ALKBH1: variants seen among roughly 807,000 people sequenced by gnomAD.
ALKBH1 encodes alkB homolog 1, histone H2A dioxygenase, also known as nucleic acid dioxygenase ALKBH1.
A neutral mutation model predicts 36.6 loss-of-function variants in ALKBH1; 31 were observed. That is an observed-to-expected ratio of 0.85 (90% CI 0.64 to 1.14). The LOEUF (loss-of-function observed/expected upper bound fraction) is 1.14, where lower values mean the gene tolerates loss of function less well. Among genes scored for constraint, ALKBH1 ranks in the 50% most tolerant of loss-of-function variants. ALKBH1 has a pLI of 0.00. For synonymous variants in ALKBH1, 183 were observed against 186.6 expected (o/e 0.98, Z 0.16); for missense variants, 490 against 497.3 (o/e 0.99, Z 0.14).
chr14:77,705,033 G>C (rs2080380581), intron 1 of ALKBH1, among the ~76,000 whole-genome samples: 1 of 152,188 alleles, frequency 6.6e-6, no homozygotes. Flanking sequence ...ACTTCAGTTA[G>C]GGCTAACAGT....
chr14:77,677,025 A>G (rs1446347747), intron 4 of ALKBH1, among the ~76,000 whole-genome samples: 1 of 151,916 alleles, frequency 6.6e-6, no homozygotes, highest in Non-Finnish European at 1.5e-5. Context: ...AAAAAAAAAT[A>G]TATCAAAGGC....
intron 4 of ALKBH1, among the ~76,000 whole-genome samples, chr14:77,676,694 G>C (rs902602524): frequency 6.6e-6 from 1 of 152,166 alleles, no homozygotes. Context: ...GTTAATAATA[G>C]GGGGAGAGCA....
At chr14:77,695,633 A>G (rs1177263338) in intron 2 of ALKBH1, among the ~76,000 whole-genome samples, 1 of 152,184 alleles carries the variant, frequency 6.6e-6, no homozygotes, top group African/African-American at 2.4e-5. Flanking sequence ...TCTCAGCTGC[A>G]GGGGTGACAG....
At chr14:77,704,297 G>T in intron 2 of ALKBH1, 72 bp downstream of exon 2, 1 of 1,107,532 alleles carries the variant, frequency 9.0e-7, no homozygotes, top group Non-Finnish European at 1.4e-6. Context: ...CTCACACACA[G>T]TACCTTCTTT....
chr14:77,704,484 G>A lies in ALKBH1; in HGVS notation c.184-7C>T. On this transcript the variant is annotated splice_region_variant and splice_polypyrimidine_tract_variant and intron_variant, in intron 1 of 5. Transcript: ENST00000216489. Reference sequence around the variant, plus strand: ...TTAGCTGAGATTTGATCACCTGGCAGGAAGGAAACAGAAGTTAAAGGACTA... The same window carrying A: ...TTAGCTGAGATTTGATCACCTGGCAAGAAGGAAACAGAAGTTAAAGGACTA... The A allele has an allele frequency of 6.2e-7, 1 of 1,610,210 alleles. No individual in the cohort carries two copies. Among genetic ancestry groups the A allele is most frequent in the Middle Eastern group, 1.7e-4 (1 of 6,056 alleles).
intron 2 of ALKBH1, among the ~76,000 whole-genome samples, chr14:77,699,855 C>T (rs933309379): frequency 4.6e-5 from 7 of 152,158 alleles, no homozygotes; most frequent in Admixed American, 2.0e-4. Flanking sequence ...GAGATCAAGA[C>T]CATCCTGGCT....
At chr14:77,682,356 A>G (rs1396438661) in intron 3 of ALKBH1, among the ~76,000 whole-genome samples, 2 of 152,208 alleles carry the variant, frequency 1.3e-5, no homozygotes, top group Non-Finnish European at 2.9e-5. Context: ...ACAGAAAAAT[A>G]AGTATGACTC....
chr14:77,681,419 CA>C (rs2080237505), intron 3 of ALKBH1, among the ~76,000 whole-genome samples: 1 of 152,090 alleles, frequency 6.6e-6, no homozygotes, highest in African/African-American at 2.4e-5. Context: ...ACAGCACAAG[CA>C]AAAGCAAAGG....
intron 3 of ALKBH1, among the ~76,000 whole-genome samples, chr14:77,692,669 C>A (rs1349739418): frequency 6.6e-6 from 1 of 152,026 alleles, no homozygotes; most frequent in Non-Finnish European, 1.5e-5. Context: ...TCTCCTCCTT[C>A]ATGTTTTACC....
chr14:77,674,132 G>C lies in ALKBH1; in HGVS notation c.850C>G (p.Leu284Val). Reference sequence around the variant, plus strand: ...ACACGAGGGACTGCGTGGTTCAAGAGGCGGCTGAAACCCGACATTATCATG... The same window carrying C: ...ACACGAGGGACTGCGTGGTTCAAGACGCGGCTGAAACCCGACATTATCATG... ...DIMIMSGFSR[L>V]LNHAVPRVLP... Residue 284 changes from leucine (L) to valine (V), a missense_variant, in exon 6 of 6, where the codon CTC becomes GTC. Coordinates refer to ENST00000216489, the MANE Select transcript of ALKBH1 (RefSeq NM_006020.3). The C allele has an allele frequency of 6.2e-7, 1 of 1,614,202 alleles. No homozygotes were observed. Among genetic ancestry groups the C allele is most frequent in the Non-Finnish European group, 8.5e-7 (1 of 1,180,048 alleles).
intron 4 of ALKBH1, among the ~76,000 whole-genome samples, chr14:77,678,585 G>A (rs371749184): frequency 2.0e-5 from 3 of 150,932 alleles, no homozygotes; most frequent in African/African-American, 7.3e-5. Context: ...TGGTTAGTAG[G>A]CAAAGAAAAT....
rs1327237646 is a variant in ALKBH1, at chr14:77,675,884, C to T, written c.547-35G>A. ...ATGTAGAGAGAATAAGAAAAATAAA[C>T]AATGATCTCAGGAATACAGGAAACT... On this transcript the variant is annotated intron_variant, in intron 4 of 5. Coordinates refer to ENST00000216489, the MANE Select transcript of ALKBH1 (RefSeq NM_006020.3). 2.0e-6 allele frequency: 3 copies of T among 1,534,048 alleles called. No homozygotes were observed. The Admixed American group carries it at 5.1e-5, about 26-fold the overall frequency.
At chr14:77,691,156 G>GA (rs1271964548) in intron 3 of ALKBH1, among the ~76,000 whole-genome samples, 1 of 151,284 alleles carries the variant, frequency 6.6e-6, no homozygotes, top group Admixed American at 6.6e-5. Flanking sequence ...ATTCACTTTG[G>GA]AAAAAAAAGA....
At chr14:77,695,280 T>C (rs1449114480) in intron 2 of ALKBH1, among the ~76,000 whole-genome samples, 1 of 152,238 alleles carries the variant, frequency 6.6e-6, no homozygotes, top group Non-Finnish European at 1.5e-5. Context: ...ATAATGAATT[T>C]TAGCTAAAAC....
intron 2 of ALKBH1, among the ~76,000 whole-genome samples, chr14:77,703,351 T>TG (rs1228904239): frequency 6.6e-6 from 1 of 150,750 alleles, no homozygotes; most frequent in Non-Finnish European, 1.5e-5. Context: ...TGGAGTGCAG[T>TG]GGCACAATCT....
rs2080181391 is a variant in ALKBH1 at position 77,672,531 on chromosome 14, T to C, written c.*1281A>G. ...GAGGAGACATGTAAACTTAATAACATGCATTGCAAACAGTAGGTACCAAAT... is the reference window on the plus strand; with the variant it reads ...GAGGAGACATGTAAACTTAATAACACGCATTGCAAACAGTAGGTACCAAAT... On this transcript the variant is annotated 3_prime_UTR_variant, in exon 6 of 6. Transcript: ENST00000216489. The C allele has an allele frequency of 6.6e-6, 1 of 152,184 alleles. No individual in the cohort carries two copies. Among genetic ancestry groups the C allele is most frequent in the African/African-American group, 2.4e-5 (1 of 41,436 alleles). The allele number at this position is 152,184 out of a possible 1,614,324, so 9.4% of individuals were successfully genotyped here. A position where few individuals can be genotyped will look rare whatever the true frequency, so the allele number is the denominator to read the frequency against.
rs1196227176 is a variant in ALKBH1, at chr14:77,674,048, C to T, written c.934G>A (p.Val312Ile). ...TCTACCATTGAATCTCTCGGGAGGA[C>T]AGCAGGGAGAGGTGCCTCTAGGCAG... ...PHCLEAPLPA[V>I]LPRDSMVEPC... Residue 312 changes from valine to isoleucine, a missense_variant, in exon 6 of 6, where the codon GTC becomes ATC. By Grantham distance (29) the Val-to-Ile change is conservative. Transcript: ENST00000216489. The T allele has an allele frequency of 6.2e-7, 1 of 1,614,074 alleles. No homozygotes were observed. Among genetic ancestry groups the T allele is most frequent in the Non-Finnish European group, 8.5e-7 (1 of 1,180,056 alleles).
chr14:77,705,905 A>T (rs1452896925), intron 1 of ALKBH1, among the ~76,000 whole-genome samples: 22 of 151,898 alleles, frequency 1.4e-4, no homozygotes. Context: ...AAATACAAAA[A>T]TTAGCCAGGC....
chr14:77,675,925 A>G, intron 4 of ALKBH1, 76 bp from the exon 5 acceptor site: 2 of 1,174,308 alleles, frequency 1.7e-6, no homozygotes, highest in Non-Finnish European at 2.5e-6. Flanking sequence ...ATTAATTACC[A>G]CTTTAAAATA....
Sources: gnomAD v4.1 joint callset for allele counts (sites outside exome capture counted in the v4.1 genomes callset) on GRCh38, gnomAD v4.1.1 for gene constraint, MANE v1.5 for transcripts, NCBI Gene and HGNC (gene_info 2026-07-23, HGNC 2026-07-21) for gene names.